The following PSME3IP1 variants were observed in gnomAD, a reference collection of about 807,000 sequenced individuals.
The protein encoded by PSME3IP1 is PSME3-interacting protein.
In PSME3IP1, 13 loss-of-function variants were observed where a neutral mutation model predicts 34.1. That is an observed-to-expected ratio of 0.38 (90% CI 0.25 to 0.61). The LOEUF (loss-of-function observed/expected upper bound fraction) is 0.61, where lower values mean the gene tolerates loss of function less well. Ranked by LOEUF, PSME3IP1 falls within the 20% of genes least tolerant of loss-of-function variation. The probability of loss-of-function intolerance (pLI) is 0.60; values close to 1 mark genes in which losing one functional copy is unlikely to be tolerated. For synonymous variants in PSME3IP1, 93 were observed against 114.3 expected (o/e 0.81, Z 1.19); for missense variants, 237 against 301.4 (o/e 0.79, Z 1.58).
At chr16:57,183,145 G>A (rs1398701615) in intron 1 of PSME3IP1, among the ~76,000 whole-genome samples, 1 of 152,182 alleles carries the variant, frequency 6.6e-6, no homozygotes, top group Non-Finnish European at 1.5e-5. Flanking sequence ...CATAATGGCT[G>A]TGACGATGCA....
rs1286169308 is a variant in PSME3IP1 at position 57,152,876 on chromosome 16, G to C, written c.*1414C>G. The C allele has an allele frequency of 1.3e-5, 2 of 152,582 alleles. No homozygotes were observed. The highest frequency in any genetic ancestry group is 2.9e-5 in the Non-Finnish European group (2 of 68,074). The allele number at this position is 152,582 out of a possible 1,614,324, so 9.5% of individuals were successfully genotyped here. A position where few individuals can be genotyped will look rare whatever the true frequency, so the allele number is the denominator to read the frequency against. ...GCCATCTGCCAATGGGCACCAGAGT[G>C]TCACTGTACTGGAAGGGGAAAAGGA... On this transcript the variant is annotated 3_prime_UTR_variant, in exon 7 of 7. Transcript: ENST00000309137.
chr16:57,178,805 C>A (rs1401128636), intron 1 of PSME3IP1: 1 of 985,348 alleles, frequency 1.0e-6, no homozygotes, highest in Non-Finnish European at 1.2e-6. Flanking sequence ...GAAAGCAGTA[C>A]TTGATGGAGA....
chr16:57,174,309 T>G, intron 1 of PSME3IP1: 2 of 392,546 alleles, frequency 5.1e-6, no homozygotes, highest in Non-Finnish European at 3.4e-6. Flanking sequence ...AAAAAAAAAC[T>G]CTCAAATAGT....
intron 5 of PSME3IP1, among the ~76,000 whole-genome samples, chr16:57,165,041 A>G (rs553083452): frequency 1.4e-5 from 2 of 139,552 alleles, no homozygotes; most frequent in East Asian, 3.9e-4. Context: ...AAAAAAAAGA[A>G]AAAGAAAAAG....
chr16:57,174,692 T>A (rs1296481082), intron 1 of PSME3IP1: 11 of 985,344 alleles, frequency 1.1e-5, no homozygotes, highest in Non-Finnish European at 1.1e-5. Context: ...GTCCAGTCTG[T>A]ATAGCAGGGA....
At chr16:57,171,057 G>C (rs2072519912) in intron 4 of PSME3IP1, among the ~76,000 whole-genome samples, 1 of 147,586 alleles carries the variant, frequency 6.8e-6, no homozygotes, top group Non-Finnish European at 1.5e-5. Flanking sequence ...TGGGCAACAA[G>C]AGAGAAACTC....
intron 6 of PSME3IP1, among the ~76,000 whole-genome samples, chr16:57,158,042 G>A (rs2070763710): frequency 6.6e-6 from 1 of 152,182 alleles, no homozygotes; most frequent in Non-Finnish European, 1.5e-5. Context: ...ATATAGCACA[G>A]GGCCTGGCTC....
chr16:57,158,627 G>A (rs745911288), intron 6 of PSME3IP1, among the ~76,000 whole-genome samples: 1 of 152,028 alleles, frequency 6.6e-6, no homozygotes. Flanking sequence ...AACCTTAAAA[G>A]GATATATAGA....
intron 1 of PSME3IP1, among the ~76,000 whole-genome samples, chr16:57,182,731 G>A (rs1364142078): frequency 6.6e-6 from 1 of 150,644 alleles, no homozygotes; most frequent in Non-Finnish European, 1.5e-5. Flanking sequence ...CCAACATGGT[G>A]AAACTCCGTC....
chr16:57,154,633 G>A lies in PSME3IP1; in HGVS notation c.548-126C>T. The A allele has an allele frequency of 1.4e-6, 1 of 727,234 alleles. No homozygotes were observed. Among genetic ancestry groups the A allele is most frequent in the Non-Finnish European group, 2.2e-6 (1 of 459,690 alleles). 45.0% of individuals were successfully genotyped at this position (727,234 alleles called of 1,614,324 possible). A position where few individuals can be genotyped will look rare whatever the true frequency, so the allele number is the denominator to read the frequency against. On this transcript the variant is annotated intron_variant, in intron 6 of 6. Coordinates refer to ENST00000309137, the MANE Select transcript of PSME3IP1 (RefSeq NM_024946.4). The surrounding 1 kb of genome is among the most constrained non-coding windows in gnomAD (Gnocchi z 4.0). ...AGGAGCCTTAGAACAATGCTATGCA[G>A]CCAATACTATCATCACCCTCGTTTT...
At chr16:57,172,966 T>C in intron 2 of PSME3IP1, 92 bp from the exon 3 acceptor site, 1 of 863,114 alleles carries the variant, frequency 1.2e-6, no homozygotes, top group Non-Finnish European at 1.9e-6. Flanking sequence ...CAAAAGGTTT[T>C]AAAGACAAAG....
rs372578969 is a variant in PSME3IP1 at position 57,180,599 on chromosome 16, G to GA, written c.-16+5221dup. ...AGAGCAAGACTCCGTCTCAGAAAAAGAAAAAAAAAAAAGAAAAGAAATTAA... is the reference window on the plus strand; with the variant it reads ...AGAGCAAGACTCCGTCTCAGAAAAAGAAAAAAAAAAAAAGAAAAGAAATTAA... On this transcript the variant is annotated intron_variant, in intron 1 of 6. Transcript: ENST00000309137. Among the ~76,000 whole-genome samples the GA allele has an allele frequency of 8.8e-3, 1,149 of 130,308 alleles. 10 individuals are homozygous for GA. The highest frequency in any genetic ancestry group is 0.029 in the African/African-American group (1,012 of 35,446). 85.5% of individuals were successfully genotyped at this position (130,308 alleles called of 152,430 possible).
chr16:57,185,988 C>T lies in PSME3IP1; in HGVS notation c.-183G>A, dbSNP rs986583475. Reference sequence around the variant, plus strand: ...AAAAAAAAAAAGAAAATAGCCTTTGCTTTTGTATTTCTTTTGACCCTTCAG... The same window carrying T: ...AAAAAAAAAAAGAAAATAGCCTTTGTTTTTGTATTTCTTTTGACCCTTCAG... On this transcript the variant is annotated 5_prime_UTR_variant, in exon 1 of 7. Transcript: ENST00000309137. The T allele has an allele frequency of 1.2e-5, 12 of 985,268 alleles. No homozygotes were observed. Among genetic ancestry groups the T allele is most frequent in the Non-Finnish European group, 1.4e-5 (12 of 829,864 alleles). The allele number at this position is 985,268 out of a possible 1,614,324, so 61.0% of individuals were successfully genotyped here.
rs2070246938 is a variant in PSME3IP1 at position 57,154,304 on chromosome 16, G to A, written c.751C>T (p.Leu251Phe). Residue 251 changes from leucine (L) to phenylalanine (F), a missense_variant, in exon 7 of 7, where the codon CTC (leucine) becomes TTC (phenylalanine). Transcript: ENST00000309137. The surrounding 1 kb of genome is among the most constrained non-coding windows in gnomAD (Gnocchi z 4.0). ...VSSIFRTNTF[L>F]EAP ...GGACGGAGAAACTAGGGGGCCTCGA[G>A]GAAGGTGTTGGTTCGGAAGATGGAG... 6.2e-7 allele frequency: 1 copy of A among 1,613,858 alleles called. No individual in the cohort carries two copies. Among genetic ancestry groups the A allele is most frequent in the Admixed American group, 1.7e-5 (1 of 60,008 alleles).
rs1220332816 is a variant in PSME3IP1 at position 57,173,767 on chromosome 16, C to T, written c.88G>A (p.Glu30Lys). ...GGTTTTCGAACTTTCTCCCATTCTTCTTGCCTCCTTTTGCGCCGTTCATCT... is the reference window on the plus strand; with the variant it reads ...GGTTTTCGAACTTTCTCCCATTCTTTTTGCCTCCTTTTGCGCCGTTCATCT... ...ELDERRKRRQEEWEKVRKPED... is the reference protein window; with the variant it reads ...ELDERRKRRQKEWEKVRKPED... The change falls in exon 2 of 7, where the codon GAA (glutamate) becomes AAA (lysine). Residue 30 changes from glutamate to lysine, a missense_variant. Physicochemically the swap from Glu to Lys is moderately conservative, Grantham distance 56. Transcript: ENST00000309137. The T allele has an allele frequency of 6.2e-7, 1 of 1,614,054 alleles. No homozygotes were observed. Among genetic ancestry groups the T allele is most frequent in the African/African-American group, 1.3e-5 (1 of 74,926 alleles).
intron 1 of PSME3IP1, chr16:57,178,821 T>A (rs764953870): frequency 3.0e-5 from 30 of 985,248 alleles, no homozygotes; most frequent in Non-Finnish European, 3.6e-5. Flanking sequence ...GGAGACAGCG[T>A]TTTTGTTTGA....
chr16:57,182,949 C>G (rs766961526), intron 1 of PSME3IP1, among the ~76,000 whole-genome samples: 6 of 152,050 alleles, frequency 3.9e-5, no homozygotes, highest in Non-Finnish European at 8.8e-5. Context: ...TTACCGAGAA[C>G]CTATTATGTG....
chr16:57,174,353 T>C (rs1032965441), intron 1 of PSME3IP1: 25 of 718,754 alleles, frequency 3.5e-5, no homozygotes, highest in African/African-American at 1.2e-4. Context: ...AGCACATGAA[T>C]ACATTTTTCC....
intron 6 of PSME3IP1, among the ~76,000 whole-genome samples, chr16:57,160,117 C>T (rs1390656490): frequency 5.9e-5 from 9 of 151,988 alleles, no homozygotes; most frequent in South Asian, 2.1e-4. Flanking sequence ...GGTGAAACCC[C>T]GTCTCTACTA....
Sources: gnomAD v4.1 joint callset for allele counts (sites outside exome capture counted in the v4.1 genomes callset) on GRCh38, gnomAD v4.1.1 for gene constraint, Gnocchi (gnomAD v3.1) non-coding constraint, MANE v1.5 for transcripts, NCBI Gene and HGNC (gene_info 2026-07-23, HGNC 2026-07-21) for gene names.